Variants in SLC16A7 observed in about 807,000 individuals in gnomAD.
The protein encoded by SLC16A7 is monocarboxylate transporter 2.
A neutral mutation model predicts 34.9 loss-of-function variants in SLC16A7; 33 were observed. The observed-to-expected ratio is 0.94, with a 90% CI of 0.72 to 1.26. The LOEUF is 1.26. Ranked by LOEUF, SLC16A7 falls within the 50% of genes most tolerant of loss-of-function variation. SLC16A7 has a pLI of 0.00. For synonymous variants in SLC16A7, 201 were observed against 206.6 expected (o/e 0.97, Z 0.23); for missense variants, 573 against 578.1 (o/e 0.99, Z 0.09).
intron 2 of SLC16A7, chr12:59,664,811 G>A (rs1028488923): frequency 1.3e-5 from 2 of 152,142 alleles, no homozygotes; most frequent in African/African-American, 4.8e-5. Flanking sequence ...AGAAGAGAGA[G>A]GGGAGGGCAA....
intron 1 of SLC16A7, among the ~76,000 whole-genome samples, chr12:59,635,614 A>G (rs891424088): frequency 1.3e-5 from 2 of 152,090 alleles, no homozygotes; most frequent in Non-Finnish European, 2.9e-5. Flanking sequence ...TGTATCAGTT[A>G]TACAATAGTA....
chr12:59,691,131 T>C (rs973301749), intron 2 of SLC16A7, among the ~76,000 whole-genome samples: 1 of 152,022 alleles, frequency 6.6e-6, no homozygotes, highest in Non-Finnish European at 1.5e-5. Context: ...AAATCATACA[T>C]GGTCACTTTC....
chr12:59,658,839 A>T (rs1231151643), intron 2 of SLC16A7, among the ~76,000 whole-genome samples: 1 of 152,072 alleles, frequency 6.6e-6, no homozygotes, highest in Non-Finnish European at 1.5e-5. Flanking sequence ...TTAAATGTTA[A>T]GTCTTGTCCA....
intron 2 of SLC16A7, among the ~76,000 whole-genome samples, chr12:59,657,694 C>T (rs1445333623): frequency 6.6e-6 from 1 of 151,914 alleles, no homozygotes; most frequent in Non-Finnish European, 1.5e-5. Flanking sequence ...ACCACAGTGG[C>T]TATATCCCAA....
chr12:59,775,733 A>G (rs1882696735), intron 5 of SLC16A7, among the ~76,000 whole-genome samples: 1 of 152,100 alleles, frequency 6.6e-6, no homozygotes, highest in Admixed American at 6.6e-5. Flanking sequence ...AATCTTCAGG[A>G]TTTTTATCTA....
At chr12:59,735,864 A>T (rs1040942984) in intron 3 of SLC16A7, 3 of 779,162 alleles carry the variant, frequency 3.9e-6, no homozygotes, top group Non-Finnish European at 5.0e-6. Flanking sequence ...AAACATACCA[A>T]CATTAGAATA....
intron 1 of SLC16A7, among the ~76,000 whole-genome samples, chr12:59,639,306 CTT>C (rs1323553335): frequency 1.3e-5 from 2 of 152,084 alleles, no homozygotes; most frequent in Non-Finnish European, 2.9e-5. Flanking sequence ...ATATCAAACT[CTT>C]TGTAACAATG....
At chr12:59,615,519 G>C (rs1592393555) in intron 1 of SLC16A7, among the ~76,000 whole-genome samples, 1 of 152,206 alleles carries the variant, frequency 6.6e-6, no homozygotes, top group East Asian at 1.9e-4. Context: ...AGATTAAAAA[G>C]AGGCACATGG....
At chr12:59,758,140 G>T (rs540947016) in intron 3 of SLC16A7, among the ~76,000 whole-genome samples, 3 of 151,694 alleles carry the variant, frequency 2.0e-5, no homozygotes, top group African/African-American at 4.8e-5. Context: ...AGGGTCAATT[G>T]TATGTAATTT....
At chr12:59,639,585 C>T (rs1181982274) in intron 1 of SLC16A7, among the ~76,000 whole-genome samples, 1 of 151,970 alleles carries the variant, frequency 6.6e-6, no homozygotes, top group Non-Finnish European at 1.5e-5. Flanking sequence ...AGGGGTCTCC[C>T]GATATTGCCC....
chr12:59,737,296 G>A (rs1350850142), intron 3 of SLC16A7, among the ~76,000 whole-genome samples: 7 of 152,168 alleles, frequency 4.6e-5, no homozygotes, highest in Admixed American at 2.0e-4. Flanking sequence ...AATCATTGAT[G>A]AATTAAAATT....
chr12:59,680,395 T>A (rs1394313496), intron 2 of SLC16A7, among the ~76,000 whole-genome samples: 1 of 152,180 alleles, frequency 6.6e-6, no homozygotes, highest in Non-Finnish European at 1.5e-5. Context: ...GTCTTATTTC[T>A]TTTAGACTGA....
chr12:59,740,201 C>G (rs988115854), intron 3 of SLC16A7, among the ~76,000 whole-genome samples: 1 of 151,284 alleles, frequency 6.6e-6, no homozygotes, highest in Non-Finnish European at 1.5e-5. Flanking sequence ...GTCTTTAATC[C>G]ATCTTGAATT....
At chr12:59,695,642 C>G (rs1307959440) in intron 2 of SLC16A7, among the ~76,000 whole-genome samples, 5 of 152,048 alleles carry the variant, frequency 3.3e-5, no homozygotes, top group Non-Finnish European at 7.4e-5. Context: ...GACCTGGTGG[C>G]TGTGTTGCCT....
chr12:59,740,344 C>G lies in SLC16A7; in HGVS notation c.218-30875C>G, dbSNP rs554316413. Among the ~76,000 whole-genome samples, 53 of 152,210 alleles carry G rather than the reference C, an allele frequency of 3.5e-4. No homozygotes were observed. In the South Asian group the frequency reaches 0.011, roughly 32 times the overall value. Reference sequence around the variant, plus strand: ...TGTTTTTGTCAGGTTTGTCCAAGATCAGATAGTTGTAGATATGCGGCGTTA... The same window carrying G: ...TGTTTTTGTCAGGTTTGTCCAAGATGAGATAGTTGTAGATATGCGGCGTTA... On this transcript the variant is annotated intron_variant, in intron 3 of 5. Transcript: ENST00000547379.
rs1423495842 is a variant in SLC16A7, at chr12:59,788,796, T to C, written c.*9117T>C. On this transcript the variant is annotated 3_prime_UTR_variant, in exon 6 of 6. Transcript: ENST00000547379. ...GAAAGAACTGGCATTTTCATATGGA[T>C]ACATATTTTGCTTAAACTAAATAAA... is the stretch of plus-strand genomic sequence containing the variant. 1.3e-5 allele frequency: 2 copies of C among 152,060 alleles called. No homozygotes were observed. The highest frequency in any genetic ancestry group is 2.9e-5 in the Non-Finnish European group (2 of 67,934). 9.4% of individuals were successfully genotyped at this position (152,060 alleles called of 1,614,324 possible). A position where few individuals can be genotyped will look rare whatever the true frequency, so the allele number is the denominator to read the frequency against.
rs1883779644 is a variant in SLC16A7, at chr12:59,788,565, G to A, written c.*8886G>A. The stretch of plus-strand genomic sequence containing the variant: ...ATGGCTGTATTATTTCATTTTTAAA[G>A]AAAATAAAGTATAAAATAATACATT... On this transcript the variant is annotated 3_prime_UTR_variant, in exon 6 of 6. Transcript: ENST00000547379. The A allele has an allele frequency of 6.6e-6, 1 of 151,690 alleles. No individual in the cohort carries two copies. Among genetic ancestry groups the A allele is most frequent in the Admixed American group, 6.6e-5 (1 of 15,232 alleles). 9.4% of individuals were successfully genotyped at this position (151,690 alleles called of 1,614,324 possible).
intron 2 of SLC16A7, among the ~76,000 whole-genome samples, chr12:59,673,455 T>A (rs1272821361): frequency 6.6e-6 from 1 of 151,404 alleles, no homozygotes; most frequent in East Asian, 1.9e-4. Flanking sequence ...GTGTTACTTA[T>A]AGACTAGGCA....
chr12:59,612,426 C>T (rs1477275264), intron 1 of SLC16A7, among the ~76,000 whole-genome samples: 1 of 152,146 alleles, frequency 6.6e-6, no homozygotes, highest in Admixed American at 6.6e-5. Flanking sequence ...TGGGCCCAGA[C>T]CACAGAACCA....
Sources: allele counts gnomAD v4.1 joint callset (sites outside exome capture counted in the v4.1 genomes callset), GRCh38; gene constraint gnomAD v4.1.1; transcripts MANE v1.5; gene names NCBI Gene and HGNC (gene_info 2026-07-23, HGNC 2026-07-21).